RALGPS1: variants seen among roughly 807,000 people sequenced by gnomAD.
RALGPS1 encodes the protein Ral GEF with PH domain and SH3 binding motif 1.
A neutral mutation model predicts 78.8 loss-of-function variants in RALGPS1; 19 were observed. The observed-to-expected ratio is 0.24, with a 90% confidence interval of 0.17 to 0.35. The LOEUF (loss-of-function observed/expected upper bound fraction) is 0.35. Among genes scored for constraint, RALGPS1 ranks in the 10% least tolerant of loss-of-function variants. The probability of loss-of-function intolerance (pLI) is 1.00; values close to 1 mark genes in which losing one functional copy is unlikely to be tolerated. For synonymous variants in RALGPS1, 228 were observed against 256.3 expected, an observed-to-expected ratio of 0.89 and a Z score of 1.06; for missense variants, 454 against 688.3, an observed-to-expected ratio of 0.66 and a Z score of 3.81.
chr9:126,952,718 C>T (rs2037978047), intron 1 of RALGPS1, among the ~76,000 whole-genome samples: 1 of 149,186 alleles, frequency 6.7e-6, no homozygotes. Flanking sequence ...TGCATGCGTG[C>T]ATGTGCCTGT....
In RALGPS1 at chr9:127,116,342, TGGGGGAGCTGGTTGCCTTTTCC is replaced by T. The variant is rs2055418051; in HGVS notation, c.610+46993_610+47014del. Among the ~76,000 whole-genome samples, 5 of 149,554 alleles carry T rather than the reference TGGGGGAGCTGGTTGCCTTTTCC, an allele frequency of 3.3e-5. No individual in the cohort carries two copies. The South Asian group carries it at 1.1e-3, about 32-fold the overall frequency. On this transcript the variant is annotated intron_variant, in intron 8 of 18. Coordinates refer to ENST00000259351, the MANE Select transcript of RALGPS1 (RefSeq NM_014636.3). ...GGTAGAGGGGGATGTGGTTAGGGAG[TGGGGGAGCTGGTTGCCTTTTCC>T]GGGGGACAAGGACACTGCTGTTACT... is the stretch of plus-strand genomic sequence containing the variant.
At chr9:126,982,371 T>A (rs2041324419) in intron 4 of RALGPS1, among the ~76,000 whole-genome samples, 1 of 152,170 alleles carries the variant, frequency 6.6e-6, no homozygotes, top group Admixed American at 6.5e-5. Context: ...GTAAGTCACG[T>A]CACCTCTCTA....
chr9:127,219,069 C>T lies in RALGPS1; in HGVS notation c.*300C>T, dbSNP rs1374220481. 1 of 472,942 alleles carries T rather than the reference C, an allele frequency of 2.1e-6. No homozygotes were observed. The allele number at this position is 472,942 out of a possible 1,614,324, so 29.3% of individuals were successfully genotyped here. On this transcript the variant is annotated 3_prime_UTR_variant, in exon 19 of 19. Transcript: ENST00000259351. This position sits in a 1 kb window ranked among gnomAD's most constrained non-coding sequence, Gnocchi z 5.0. Reference sequence around the variant, plus strand: ...GCATCTGCGACTAGAGAGCACCCGGCCCACGTTGGGTTCTCAGTGCTTTCT... The same window carrying T: ...GCATCTGCGACTAGAGAGCACCCGGTCCACGTTGGGTTCTCAGTGCTTTCT...
chr9:126,965,391 A>AG (rs2039376295), intron 2 of RALGPS1, among the ~76,000 whole-genome samples: 1 of 152,254 alleles, frequency 6.6e-6, no homozygotes, highest in African/African-American at 2.4e-5. Flanking sequence ...TTGTCTCCTC[A>AG]GGCCTCCTAA....
intron 8 of RALGPS1, among the ~76,000 whole-genome samples, chr9:127,161,876 G>A (rs1013017717): frequency 6.6e-6 from 1 of 152,248 alleles, no homozygotes; most frequent in South Asian, 2.1e-4. Flanking sequence ...CGGTATTCCC[G>A]GTGCACTCTC....
rs2062745491 is a variant in RALGPS1, at chr9:127,220,537, A to C, written c.*1768A>C. The C allele has an allele frequency of 6.6e-6, 1 of 152,204 alleles. No homozygotes were observed. Among genetic ancestry groups the C allele is most frequent in the South Asian group, 2.1e-4 (1 of 4,826 alleles). The allele number at this position is 152,204 out of a possible 1,614,324, so 9.4% of individuals were successfully genotyped here. ...CCAGGTGATAAAAGTTGATGCCATC[A>C]AACCTTGACACCGGGTGCTCTGCAC... is the stretch of plus-strand genomic sequence containing the variant. On this transcript the variant is annotated 3_prime_UTR_variant, in exon 19 of 19. Coordinates refer to ENST00000259351, the MANE Select transcript of RALGPS1 (RefSeq NM_014636.3).
At chr9:126,918,378 C>A (rs1439016226) in intron 1 of RALGPS1, among the ~76,000 whole-genome samples, 1 of 152,154 alleles carries the variant, frequency 6.6e-6, no homozygotes, top group Non-Finnish European at 1.5e-5. Flanking sequence ...CCTCTGTTAG[C>A]CAGATTGGAG....
intron 1 of RALGPS1, among the ~76,000 whole-genome samples, chr9:126,950,004 A>C (rs2037659604): frequency 6.6e-6 from 1 of 152,188 alleles, no homozygotes; most frequent in Non-Finnish European, 1.5e-5. Context: ...GGTGTAAGGA[A>C]GGGATCCAGT....
intron 1 of RALGPS1, among the ~76,000 whole-genome samples, chr9:126,950,868 T>C (rs1410120212): frequency 2.7e-5 from 4 of 149,724 alleles, no homozygotes; most frequent in African/African-American, 9.8e-5. Context: ...AAAAAATTAA[T>C]GAATCCAGGA....
intron 4 of RALGPS1, among the ~76,000 whole-genome samples, chr9:126,995,704 C>G (rs1219653360): frequency 6.6e-6 from 1 of 152,174 alleles, no homozygotes; most frequent in Non-Finnish European, 1.5e-5. Flanking sequence ...ACAGAACTCT[C>G]CACCCCAAAT....
chr9:126,988,416 C>A (rs913934726), intron 4 of RALGPS1, among the ~76,000 whole-genome samples: 1 of 152,034 alleles, frequency 6.6e-6, no homozygotes, highest in African/African-American at 2.4e-5. Context: ...TTTAAAAAAA[C>A]AAAAAATAGA....
chr9:127,162,883 G>A (rs774690155), intron 8 of RALGPS1, among the ~76,000 whole-genome samples: 1 of 152,132 alleles, frequency 6.6e-6, no homozygotes, highest in Non-Finnish European at 1.5e-5. Context: ...TGGGAACATG[G>A]GTGCAGCAGC....
At chr9:127,006,881 T>A (rs565231184) in intron 4 of RALGPS1, among the ~76,000 whole-genome samples, 1 of 148,602 alleles carries the variant, frequency 6.7e-6, no homozygotes, top group Non-Finnish European at 1.5e-5. Flanking sequence ...AATTTGGATT[T>A]CTTTTGATTC....
chr9:127,066,032 G>A (rs1231059200), intron 7 of RALGPS1, among the ~76,000 whole-genome samples: 3 of 152,228 alleles, frequency 2.0e-5, no homozygotes, highest in Non-Finnish European at 2.9e-5. Flanking sequence ...CTGAATGTCT[G>A]TGTGAGTGTG....
At chr9:126,943,329 G>A (rs2131504559) in intron 1 of RALGPS1, among the ~76,000 whole-genome samples, 1 of 152,212 alleles carries the variant, frequency 6.6e-6, no homozygotes, top group South Asian at 2.1e-4. Context: ...TTTTAGTAGA[G>A]ACAGGGTTTT....
At chr9:126,966,085 T>C in intron 3 of RALGPS1, 134 bp downstream of exon 3, 1 of 652,350 alleles carries the variant, frequency 1.5e-6, no homozygotes, top group Non-Finnish European at 2.7e-6. Flanking sequence ...GTAAAGTCCG[T>C]ACCACCCTTT....
chr9:126,951,924 T>C (rs1422580655), intron 1 of RALGPS1, among the ~76,000 whole-genome samples: 1 of 152,178 alleles, frequency 6.6e-6, no homozygotes, highest in Non-Finnish European at 1.5e-5. Flanking sequence ...GAAAACCCCA[T>C]TGTCTGAGCC....
At chr9:127,178,916 C>T (rs2060046181) in intron 11 of RALGPS1, among the ~76,000 whole-genome samples, 1 of 152,202 alleles carries the variant, frequency 6.6e-6, no homozygotes, top group Non-Finnish European at 1.5e-5. Flanking sequence ...GCTTATTTGC[C>T]CATGTCTGTC....
intron 4 of RALGPS1, among the ~76,000 whole-genome samples, chr9:126,996,107 T>C (rs2042724994): frequency 6.6e-6 from 1 of 151,972 alleles, no homozygotes; most frequent in African/African-American, 2.4e-5. Context: ...CACCCTGACA[T>C]CACAATTAAA....
Sources: gnomAD v4.1 joint callset for allele counts (sites outside exome capture counted in the v4.1 genomes callset) on GRCh38, gnomAD v4.1.1 for gene constraint, Gnocchi (gnomAD v3.1) non-coding constraint, MANE v1.5 for transcripts, NCBI Gene and HGNC (gene_info 2026-07-23, HGNC 2026-07-21) for gene names.